The following CDKN2B-AS1 variants were observed in gnomAD, a reference collection of about 807,000 sequenced individuals.
CDKN2B-AS1 encodes the protein CDKN2B and CDKN2A antisense cis and trans regulatory RNA 1, also known as CDKN2B antisense RNA 1 (non-protein coding).
At chr9:21,995,110 G>C (rs74582729), upstream of CDKN2B-AS1, 1 of 152,140 alleles carries the variant, frequency 6.6e-6, no homozygotes, top group East Asian at 1.9e-4. The surrounding 1 kb of genome is among the most constrained non-coding windows in gnomAD (Gnocchi z 5.7). Context: ...ATCTGGACAC[G>C]GCGCGGCGCT....
chr9:22,025,442 C>T (rs1422469574), intron 1 of CDKN2B-AS1, among the ~76,000 whole-genome samples: 1 of 152,272 alleles, frequency 6.6e-6, no homozygotes, highest in East Asian at 1.9e-4. Flanking sequence ...CGTGGCGGCT[C>T]TGTCCAGGGA....
rs1563912738 is a variant in CDKN2B-AS1 at position 22,005,111 on chromosome 9, C to CGTGTGTGT, written n.29+9950_29+9951insGTGTGTGT. 3 of 159,500 alleles carry CGTGTGTGT rather than the reference C, an allele frequency of 1.9e-5. No homozygotes were observed. The highest frequency in any genetic ancestry group is 1.2e-4 in the African/African-American group (3 of 24,418). 9.9% of individuals were successfully genotyped at this position (159,500 alleles called of 1,614,324 possible). On this transcript the variant is annotated intron_variant and non_coding_transcript_variant, in intron 1 of 4. Transcript: ENST00000650946. The surrounding 1 kb of genome is among the most constrained non-coding windows in gnomAD (Gnocchi z 4.9). Reference sequence around the variant, plus strand: ...TCATAAGGGGATTTCCGCATCCTAGCATGTGTGTGTGTGTGTGTGTGTGTG... The same window carrying CGTGTGTGT: ...TCATAAGGGGATTTCCGCATCCTAGCGTGTGTGTATGTGTGTGTGTGTGTGTGTGTGTG...
At chr9:22,084,295 A>C (rs1330168400) in intron 4 of CDKN2B-AS1, among the ~76,000 whole-genome samples, 1 of 152,194 alleles carries the variant, frequency 6.6e-6, no homozygotes, top group Non-Finnish European at 1.5e-5. Context: ...AGGCATGACA[A>C]CTTCTATATT....
chr9:22,075,778 C>T lies in CDKN2B-AS1; in HGVS notation n.438+19391C>T, dbSNP rs77478272. Among the ~76,000 whole-genome samples the T allele has an allele frequency of 1.0e-3, 157 of 152,252 alleles. 1 individual carries two copies. The East Asian group carries it at 0.016, about 15-fold the overall frequency. On this transcript the variant is annotated intron_variant and non_coding_transcript_variant, in intron 4 of 4. Transcript: ENST00000650946. Reference sequence around the variant, plus strand: ...GGGACACCTAAGGGACAACCGTTCACGTGAAATGAAGCAGGGATGAGAAGA... The same window carrying T: ...GGGACACCTAAGGGACAACCGTTCATGTGAAATGAAGCAGGGATGAGAAGA...
intron 1 of CDKN2B-AS1, among the ~76,000 whole-genome samples, chr9:22,022,936 A>G (rs1266431300): frequency 6.6e-6 from 1 of 152,130 alleles, no homozygotes; most frequent in African/African-American, 2.4e-5. Flanking sequence ...TTTTCTTTAA[A>G]AACATTGAAT....
intron 4 of CDKN2B-AS1, among the ~76,000 whole-genome samples, chr9:22,109,300 A>G (rs968074526): frequency 2.0e-5 from 3 of 152,164 alleles, no homozygotes; most frequent in Admixed American, 1.3e-4. Context: ...ATGAGCTTTT[A>G]TTTAATTGTC....
chr9:22,076,414 G>A (rs1024059579), intron 4 of CDKN2B-AS1, among the ~76,000 whole-genome samples: 1 of 152,106 alleles, frequency 6.6e-6, no homozygotes, highest in Non-Finnish European at 1.5e-5. Context: ...AAAGAACAGG[G>A]TTGTCTAATC....
At chr9:22,098,157 CTGTGTGTGTG>C (rs35998780) in intron 4 of CDKN2B-AS1, among the ~76,000 whole-genome samples, 17 of 146,114 alleles carry the variant, frequency 1.2e-4, no homozygotes, top group Middle Eastern at 3.5e-3. Context: ...CTCTCTGTCT[CTGTGTGTGTG>C]TGTGTGTGTG....
At chr9:22,066,905 G>A (rs988573401) in intron 4 of CDKN2B-AS1, among the ~76,000 whole-genome samples, 29 of 152,098 alleles carry the variant, frequency 1.9e-4, no homozygotes, top group Non-Finnish European at 2.9e-5. Flanking sequence ...ATGAGTTCTT[G>A]TCCTTTGTAG....
chr9:22,120,878 C>T (rs1380856075), intron 4 of CDKN2B-AS1: 1 of 152,008 alleles, frequency 6.6e-6, no homozygotes, highest in African/African-American at 2.4e-5. Context: ...AGGCATTTTA[C>T]ATGTGTTACT....
At chr9:22,095,811 C>T (rs72652446) in intron 4 of CDKN2B-AS1, among the ~76,000 whole-genome samples, 333 of 150,342 alleles carry the variant, frequency 2.2e-3, no homozygotes, top group Non-Finnish European at 4.1e-3. Context: ...GTTAGCTCTT[C>T]TTGTTGAATT....
At chr9:22,059,725 G>C (rs1823730924) in intron 4 of CDKN2B-AS1, among the ~76,000 whole-genome samples, 1 of 152,190 alleles carries the variant, frequency 6.6e-6, no homozygotes, top group Non-Finnish European at 1.5e-5. Flanking sequence ...TTCTCCATGA[G>C]AGCCCCGCCC....
intron 4 of CDKN2B-AS1, among the ~76,000 whole-genome samples, chr9:22,097,580 C>T (rs570362815): frequency 2.0e-5 from 3 of 152,140 alleles, no homozygotes; most frequent in East Asian, 1.9e-4. Context: ...TTTTGCTTTC[C>T]GTACAGACAT....
intron 4 of CDKN2B-AS1, among the ~76,000 whole-genome samples, chr9:22,082,338 A>G (rs1467246692): frequency 6.6e-6 from 1 of 152,230 alleles, no homozygotes; most frequent in African/African-American, 2.4e-5. Flanking sequence ...TTTCTTGTAC[A>G]AGGCATAAAG....
intron 4 of CDKN2B-AS1, among the ~76,000 whole-genome samples, chr9:22,102,109 A>T (rs1825504959): frequency 6.6e-6 from 1 of 152,176 alleles, no homozygotes; most frequent in Admixed American, 6.5e-5. Context: ...AAAATTTGAT[A>T]AAAATGGGAA....
At chr9:22,073,305 C>T (rs1350745449) in intron 4 of CDKN2B-AS1, among the ~76,000 whole-genome samples, 1 of 152,098 alleles carries the variant, frequency 6.6e-6, no homozygotes, top group Non-Finnish European at 1.5e-5. Flanking sequence ...GCAATATTTT[C>T]ACGATTCAAA....
At chr9:22,022,685 C>G (rs1190639521) in intron 1 of CDKN2B-AS1, among the ~76,000 whole-genome samples, 1 of 152,044 alleles carries the variant, frequency 6.6e-6, no homozygotes, top group Non-Finnish European at 1.5e-5. Context: ...TAGCTGGTTG[C>G]TTTGCAGACT....
At chr9:22,026,462 A>G (rs1265075668) in intron 1 of CDKN2B-AS1, among the ~76,000 whole-genome samples, 2 of 151,700 alleles carry the variant, frequency 1.3e-5, no homozygotes, top group South Asian at 2.1e-4. Flanking sequence ...CCCAAAGGCC[A>G]TAATGGCTAA....
At chr9:22,080,047 C>G (rs1824642864) in intron 4 of CDKN2B-AS1, among the ~76,000 whole-genome samples, 1 of 152,230 alleles carries the variant, frequency 6.6e-6, no homozygotes, top group Non-Finnish European at 1.5e-5. Context: ...TGTCCCACAC[C>G]AGTCTCAATG....
Sources: gnomAD v4.1 joint callset for allele counts (sites outside exome capture counted in the v4.1 genomes callset) on GRCh38, gnomAD v4.1.1 for gene constraint, Gnocchi (gnomAD v3.1) non-coding constraint, MANE v1.5 for transcripts, NCBI Gene and HGNC (gene_info 2026-07-23, HGNC 2026-07-21) for gene names.